ST3GAL3: variants seen among roughly 807,000 people sequenced by gnomAD.
ST3GAL3 encodes ST3 beta-galactoside alpha-2,3-sialyltransferase 3, also known as CMP-N-acetylneuraminate-beta-1,4-galactoside alpha-2,3-sialyltransferase.
ST3GAL3 carries 21 observed loss-of-function variants against 50.1 expected under a neutral mutation model. The ratio of observed to expected loss-of-function variants is 0.42; its 90% CI spans 0.30 to 0.60. The LOEUF (loss-of-function observed/expected upper bound fraction) is 0.60, where lower values mean the gene tolerates loss of function less well. Among genes scored for constraint, ST3GAL3 ranks in the 20% least tolerant of loss-of-function variants. The pLI, the probability that ST3GAL3 is intolerant of heterozygous loss-of-function variation, is 0.19. For synonymous variants in ST3GAL3, 183 were observed against 190.0 expected (o/e 0.96, Z 0.30); for missense variants, 353 against 489.4 (o/e 0.72, Z 2.63).
intron 7 of ST3GAL3, among the ~76,000 whole-genome samples, chr1:43,898,848 C>T (rs2077787482): frequency 6.6e-6 from 1 of 152,192 alleles, no homozygotes; most frequent in Admixed American, 6.5e-5. Context: ...ACCACTACCC[C>T]TTGGGGAACC....
chr1:43,833,255 G>C (rs573927802), intron 4 of ST3GAL3, among the ~76,000 whole-genome samples: 1 of 152,272 alleles, frequency 6.6e-6, no homozygotes, highest in South Asian at 2.1e-4. Context: ...TCCAAGGCAA[G>C]GTAACCAACT....
At chr1:43,719,728 T>C (rs1443973880) in intron 1 of ST3GAL3, among the ~76,000 whole-genome samples, 1 of 145,274 alleles carries the variant, frequency 6.9e-6, no homozygotes, top group African/African-American at 2.5e-5. Flanking sequence ...AGGTCAGGAG[T>C]TGGAGACCAG....
chr1:43,790,108 G>A, intron 2 of ST3GAL3, among the ~76,000 whole-genome samples: 1 of 152,088 alleles, frequency 6.6e-6, no homozygotes, highest in Non-Finnish European at 1.5e-5. Context: ...CCAGTTCTTA[G>A]CAAACACATG....
chr1:43,778,883 G>A (rs993218130), intron 2 of ST3GAL3, among the ~76,000 whole-genome samples: 2 of 151,738 alleles, frequency 1.3e-5, no homozygotes, highest in Admixed American at 6.6e-5. Context: ...TCCTAACCTC[G>A]TGATCCACCC....
chr1:43,787,438 T>C (rs892216830), intron 2 of ST3GAL3, among the ~76,000 whole-genome samples: 4 of 152,150 alleles, frequency 2.6e-5, no homozygotes. Context: ...AAATAATGAA[T>C]GGCCAAACTG....
At chr1:43,814,802 C>G in intron 3 of ST3GAL3, 89 bp from the exon 4 acceptor site, 1 of 1,230,250 alleles carries the variant, frequency 8.1e-7, no homozygotes, top group Non-Finnish European at 1.2e-6. Flanking sequence ...CAAGGGTGGT[C>G]TGTCCCTGTG....
chr1:43,710,094 A>C (rs1037467207), intron 1 of ST3GAL3, among the ~76,000 whole-genome samples: 1 of 150,540 alleles, frequency 6.6e-6, no homozygotes, highest in Admixed American at 6.6e-5. Flanking sequence ...ATCTGCTTCT[A>C]TTTTTGAGTC....
At chr1:43,852,770 C>T (rs1277012264) in intron 5 of ST3GAL3, among the ~76,000 whole-genome samples, 1 of 152,216 alleles carries the variant, frequency 6.6e-6, no homozygotes, top group African/African-American at 2.4e-5. Context: ...TCTCACTTCA[C>T]AGGCTATGTG....
At position 43,862,745 on chromosome 1, in the gene ST3GAL3, C is replaced by CA. The variant is rs749080973; in HGVS notation, c.302+24455dup. The stretch of plus-strand genomic sequence containing the variant: ...AAACATAGCGAGACTCTGTCTCTAC[C>CA]AAAAAAAAAAAAAAAAAAAAATTTA... On this transcript the variant is annotated intron_variant, in intron 5 of 11. Coordinates refer to ENST00000347631, the MANE Select transcript of ST3GAL3 (RefSeq NM_006279.5). Among the ~76,000 whole-genome samples the CA allele has an allele frequency of 6.1e-3, 640 of 104,256 alleles. 2 individuals are homozygous for CA. Among genetic ancestry groups the CA allele is most frequent in the East Asian group, 0.02 (72 of 3,644 alleles). The allele number at this position is 104,256 out of a possible 152,430, so 68.4% of individuals were successfully genotyped here. A position where few individuals can be genotyped will look rare whatever the true frequency, so the allele number is the denominator to read the frequency against.
chr1:43,884,341 C>T (rs1234052554), intron 5 of ST3GAL3, among the ~76,000 whole-genome samples: 1 of 152,242 alleles, frequency 6.6e-6, no homozygotes, highest in Non-Finnish European at 1.5e-5. Flanking sequence ...TCGACTCCTG[C>T]TCTCCCATAG....
intron 1 of ST3GAL3, among the ~76,000 whole-genome samples, chr1:43,732,062 T>C (rs1288275434): frequency 6.6e-6 from 1 of 152,206 alleles, no homozygotes; most frequent in Non-Finnish European, 1.5e-5. Context: ...ATTCTACAGC[T>C]AGATTTTTTT....
intron 3 of ST3GAL3, among the ~76,000 whole-genome samples, chr1:43,804,940 G>C (rs557221547): frequency 6.6e-6 from 1 of 152,218 alleles, no homozygotes; most frequent in Admixed American, 6.5e-5. Flanking sequence ...AGGCTGCCTT[G>C]CTTATTTGGT....
intron 2 of ST3GAL3, among the ~76,000 whole-genome samples, chr1:43,759,061 GCGCGCACACA>G (rs1003350262): frequency 2.0e-4 from 15 of 76,574 alleles, no homozygotes; most frequent in East Asian, 1.7e-3. Context: ...AAACAAAAGC[GCGCGCACACA>G]CACACACACA....
chr1:43,893,617 C>A (rs1182797194), intron 5 of ST3GAL3, among the ~76,000 whole-genome samples: 1 of 152,146 alleles, frequency 6.6e-6, no homozygotes, highest in Non-Finnish European at 1.5e-5. Flanking sequence ...CTTGCCTGTT[C>A]TTTCACCCCA....
At chr1:43,851,699 G>A in intron 5 of ST3GAL3, 2 of 1,307,572 alleles carry the variant, frequency 1.5e-6, no homozygotes, top group African/African-American at 1.5e-5. Flanking sequence ...CCACAGGTCA[G>A]CATCCTTGTG....
intron 1 of ST3GAL3, among the ~76,000 whole-genome samples, chr1:43,716,933 CT>C (rs1362079431): frequency 6.6e-6 from 1 of 152,172 alleles, no homozygotes; most frequent in Non-Finnish European, 1.5e-5. Context: ...GCTTAGCCTT[CT>C]CCAGTCAGTT....
At chr1:43,819,764 A>G (rs903286307) in intron 4 of ST3GAL3, among the ~76,000 whole-genome samples, 3 of 152,110 alleles carry the variant, frequency 2.0e-5, no homozygotes, top group Non-Finnish European at 4.4e-5. Flanking sequence ...GTAGTTTTTC[A>G]GCCCACTCCC....
At chr1:43,904,292 T>C (rs1557431130) in intron 9 of ST3GAL3, among the ~76,000 whole-genome samples, 2 of 152,082 alleles carry the variant, frequency 1.3e-5, no homozygotes, top group African/African-American at 4.8e-5. Context: ...CTTCACCTGT[T>C]CCCTGTTCAA....
At position 43,918,119 on chromosome 1, in the gene ST3GAL3, C is replaced by CTCTTTT. The variant is rs56052310; in HGVS notation, c.745-2284_745-2283insCTTTTT. Among the ~76,000 whole-genome samples the CTCTTTT allele has an allele frequency of 4.4e-3, 589 of 133,896 alleles. 88 individuals carry two copies. Among genetic ancestry groups the CTCTTTT allele is most frequent in the Non-Finnish European group, 5.2e-3 (340 of 65,144 alleles). 87.8% of individuals were successfully genotyped at this position (133,896 alleles called of 152,430 possible). ...TAGACATCTAAATTTTTTTCTTTCT[C>CTCTTTT]TTTTTTTTTTTTTTTAAGAGAGGGT... On this transcript the variant is annotated intron_variant, in intron 9 of 11. Transcript: ENST00000347631.
Sources: gnomAD v4.1 joint callset for allele counts (sites outside exome capture counted in the v4.1 genomes callset) on GRCh38, gnomAD v4.1.1 for gene constraint, MANE v1.5 for transcripts, NCBI Gene and HGNC (gene_info 2026-07-23, HGNC 2026-07-21) for gene names.